The following FRMPD4 variants were observed in gnomAD, a reference collection of about 807,000 sequenced individuals.
FRMPD4 encodes FERM and PDZ domain containing 4, also known as FERM and PDZ domain-containing protein 4.
Under a neutral mutation model 94.1 loss-of-function variants are expected in FRMPD4, and 22 were observed. That is an observed-to-expected ratio of 0.23 (90% CI 0.17 to 0.33). The LOEUF (loss-of-function observed/expected upper bound fraction) is 0.33, where lower values mean the gene tolerates loss of function less well. FRMPD4 is among the 10% of genes least tolerant of loss of function. The probability of loss-of-function intolerance (pLI) is 1.00; values close to 1 mark genes in which losing one functional copy is unlikely to be tolerated. For missense variants in FRMPD4, 1,111 were observed against 1,339.9 expected (o/e 0.83, Z 2.67); for synonymous variants, 631 against 548.6 (o/e 1.15, Z -2.10).
At chrX:11,844,983 G>A (rs1221516938) in intron 1 of FRMPD4, among the ~76,000 whole-genome samples, 1 of 111,520 alleles carries the variant, frequency 9.0e-6, no homozygotes, top group Non-Finnish European at 1.9e-5. Flanking sequence ...ATCTACTGTT[G>A]TGCCCGTCCG....
At chrX:12,673,537 A>G (rs775479436) in intron 4 of FRMPD4, among the ~76,000 whole-genome samples, 8 of 111,809 alleles carry the variant, frequency 7.2e-5, no homozygotes, top group African/African-American at 2.6e-4. Flanking sequence ...AAGTTGACCT[A>G]TTGAAGCTAG....
chrX:12,618,831 G>A (rs1034565441), intron 4 of FRMPD4, among the ~76,000 whole-genome samples: 2 of 111,372 alleles, frequency 1.8e-5, no homozygotes, highest in South Asian at 3.8e-4. Context: ...AGAAACCCAC[G>A]TGTATACAAA....
chrX:12,199,657 A>G (rs889387300), intron 1 of FRMPD4, among the ~76,000 whole-genome samples: 2 of 111,847 alleles, frequency 1.8e-5, no homozygotes, highest in Non-Finnish European at 3.8e-5. Context: ...ATATCCATCC[A>G]TATGTAATCA....
intron 3 of FRMPD4, among the ~76,000 whole-genome samples, chrX:11,897,431 T>C (rs768082278): frequency 9.0e-6 from 1 of 111,571 alleles, no homozygotes; most frequent in South Asian, 3.8e-4. Context: ...AATAATTAGC[T>C]GGAGAAAAGG....
At position 12,243,790 on chromosome X, in the gene FRMPD4, C is replaced by CTTTT. The variant is rs148889684; in HGVS notation, c.41+104809_41+104812dup. On this transcript the variant is annotated intron_variant, in intron 1 of 16. Coordinates refer to ENST00000675598, the MANE Select transcript of FRMPD4 (RefSeq NM_001368397.1). ...CAGAAACAGTTGTCCATCTAAAGGG[C>CTTTT]TTTTTTTTTTTTTTTTTTTTTTTTT... Among the ~76,000 whole-genome samples the CTTTT allele has an allele frequency of 1.0e-3, 24 of 22,930 alleles. 1 individual carries two copies. The highest frequency in any genetic ancestry group is 1.2e-3 in the African/African-American group (6 of 5,028). 19.9% of individuals were successfully genotyped at this position (22,930 alleles called of 115,157 possible). A position where few individuals can be genotyped will look rare whatever the true frequency, so the allele number is the denominator to read the frequency against.
At chrX:12,089,877 T>C (rs2055140200) in intron 3 of FRMPD4, among the ~76,000 whole-genome samples, 1 of 111,730 alleles carries the variant, frequency 9.0e-6, no homozygotes, top group African/African-American at 3.3e-5. Context: ...TGATAAGTCA[T>C]TTACAGTTTG....
chrX:12,560,405 T>G (rs1188603082), intron 2 of FRMPD4, among the ~76,000 whole-genome samples: 3 of 107,275 alleles, frequency 2.8e-5, no homozygotes, highest in Non-Finnish European at 5.8e-5. Context: ...GGCTAGACTT[T>G]ACAGCCATTT....
chrX:12,382,530 G>GAGCAT (rs59601417), intron 1 of FRMPD4, among the ~76,000 whole-genome samples: 114 of 45,579 alleles, frequency 2.5e-3, no homozygotes, highest in South Asian at 5.6e-3. Flanking sequence ...GCATAGCATA[G>GAGCAT]AGCATAGCAT....
chrX:11,997,113 G>T lies in FRMPD4; in HGVS notation c.95+119095G>T, dbSNP rs753076485. The stretch of plus-strand genomic sequence containing the variant: ...GCAAAAGGGGATTTAACTATTTGGT[G>T]GTGTTAGGAAACAAGGCAGAATTTT... On this transcript the variant is annotated intron_variant, in intron 3 of 18. Coordinates refer to the FRMPD4 transcript ENST00000640291. 3.6e-5 allele frequency among the ~76,000 whole-genome samples: 4 copies of T among 111,261 alleles called. No individual in the cohort carries two copies. In the East Asian group the frequency reaches 1.1e-3, roughly 32 times the overall value.
At chrX:12,521,324 C>A (rs1160207238) in intron 2 of FRMPD4, among the ~76,000 whole-genome samples, 1 of 111,439 alleles carries the variant, frequency 9.0e-6, no homozygotes, top group East Asian at 2.8e-4. Flanking sequence ...ATGAGACCAC[C>A]CTCAGCTGGT....
intron 3 of FRMPD4, among the ~76,000 whole-genome samples, chrX:12,132,635 C>T (rs781040263): frequency 1.8e-5 from 2 of 110,983 alleles, no homozygotes; most frequent in Admixed American, 9.7e-5. Context: ...ATTGAGAAGA[C>T]GCAAACAGCA....
chrX:12,388,213 T>C (rs1021423645), intron 1 of FRMPD4, among the ~76,000 whole-genome samples: 1 of 112,040 alleles, frequency 8.9e-6, no homozygotes, highest in East Asian at 2.8e-4. Flanking sequence ...CACTGAGCTA[T>C]ACACTTATGA....
At chrX:12,643,232 G>T (rs1418925137) in intron 4 of FRMPD4, among the ~76,000 whole-genome samples, 1 of 109,498 alleles carries the variant, frequency 9.1e-6, no homozygotes, top group Non-Finnish European at 1.9e-5. Context: ...CTGCCTCCTG[G>T]GTTCCAGCGA....
chrX:12,424,373 A>C (rs1028726348), intron 1 of FRMPD4, among the ~76,000 whole-genome samples: 4 of 112,966 alleles, frequency 3.5e-5, no homozygotes, highest in African/African-American at 1.3e-4. Context: ...CTTGAATAGT[A>C]GGACTTCATT....
chrX:12,287,549 C>G (rs771800229), intron 1 of FRMPD4, among the ~76,000 whole-genome samples: 4 of 111,290 alleles, frequency 3.6e-5, no homozygotes, highest in Non-Finnish European at 5.7e-5. Flanking sequence ...ATGGAGTGGG[C>G]TTTAAGAAAG....
At chrX:12,697,836 A>AG (rs756658339) in intron 9 of FRMPD4, among the ~76,000 whole-genome samples, 1 of 112,092 alleles carries the variant, frequency 8.9e-6, no homozygotes, top group South Asian at 3.8e-4. Flanking sequence ...GCATAGCCAG[A>AG]GGGGGAAAAA....
At chrX:12,681,638 G>A (rs941623032) in intron 5 of FRMPD4, among the ~76,000 whole-genome samples, 2 of 109,820 alleles carry the variant, frequency 1.8e-5, no homozygotes, top group African/African-American at 6.7e-5. Context: ...TCGGTGTGGA[G>A]GGGAACTTTA....
intron 1 of FRMPD4, among the ~76,000 whole-genome samples, chrX:12,387,977 TAA>T (rs57694212): frequency 1.1e-4 from 10 of 93,574 alleles, no homozygotes; most frequent in African/African-American, 2.7e-4. Context: ...GAATCAATCT[TAA>T]AAAAAAAAAA....
In FRMPD4 at chrX:11,855,479, C is replaced by T. The variant is rs185448804; in HGVS notation, c.-160-9607C>T. On this transcript the variant is annotated intron_variant, in intron 1 of 18. Transcript: ENST00000640291. The stretch of plus-strand genomic sequence containing the variant: ...TCTGCAAATTTTCCAAACTTTTATG[C>T]TCTGCTACCTCTAGAACACCTTGCC... 8.9e-5 allele frequency among the ~76,000 whole-genome samples: 10 copies of T among 112,430 alleles called. No homozygotes were observed. The East Asian group carries it at 2.8e-3, about 31-fold the overall frequency.
Sources: allele counts gnomAD v4.1 joint callset (sites outside exome capture counted in the v4.1 genomes callset), GRCh38; gene constraint gnomAD v4.1.1; transcripts MANE v1.5; gene names NCBI Gene and HGNC (gene_info 2026-07-23, HGNC 2026-07-21).